KRT3: variants seen among roughly 807,000 people sequenced by gnomAD.
The protein encoded by KRT3 is keratin 3, also known as keratin, type II cytoskeletal 3.
A neutral mutation model predicts 45.8 loss-of-function variants in KRT3; 34 were observed. That is an observed-to-expected ratio of 0.74 (90% CI 0.57 to 0.99). The LOEUF (loss-of-function observed/expected upper bound fraction) is 0.99. Among genes scored for constraint, KRT3 ranks in the 50% least tolerant of loss-of-function variants. The pLI, the probability that KRT3 is intolerant of heterozygous loss-of-function variation, is 0.00. For missense variants in KRT3, 828 were observed against 820.6 expected (o/e 1.01, Z -0.11); for synonymous variants, 367 against 329.0 (o/e 1.12, Z -1.25).
chr12:52,793,716 C>T (rs1204604274), intron 2 of KRT3, among the ~76,000 whole-genome samples: 2 of 152,118 alleles, frequency 1.3e-5, no homozygotes, highest in African/African-American at 4.8e-5. Context: ...CTCAGCCACC[C>T]GACTATCTTG....
chr12:52,793,151 C>T lies in KRT3; in HGVS notation c.927+12G>A, dbSNP rs376608230. ...AGCTGCAAGCCTCAGAAACCTCACA[C>T]ACAGCCCTTACCTTCTTCAGAGTCA... On this transcript the variant is annotated intron_variant, in intron 3 of 8. Coordinates refer to ENST00000417996, the MANE Select transcript of KRT3 (RefSeq NM_057088.3). The T allele has an allele frequency of 1.2e-6, 2 of 1,608,640 alleles. No individual in the cohort carries two copies. The highest frequency in any genetic ancestry group is 1.3e-5 in the African/African-American group (1 of 74,842).
In KRT3 at chr12:52,790,125, C is replaced by G; in HGVS notation, c.1804G>C (p.Gly602Arg). 6.5e-7 allele frequency: 1 copy of G among 1,546,310 alleles called. No homozygotes were observed. Among genetic ancestry groups the G allele is most frequent in the African/African-American group, 1.4e-5 (1 of 73,096 alleles). Residue 602 changes from glycine to arginine, a missense_variant, in exon 9 of 9, where the codon GGG becomes CGG. Physicochemically the swap from Gly to Arg is moderately radical, Grantham distance 125. Transcript: ENST00000417996. ...CGGTTGCTGGCCGAGCTGAAGCCCC[C>G]GCCACTGACTCCATAGCGGGCGCCA... ...ISGARYGVSG[G>R]GFSSASNRGG...
intron 6 of KRT3, 45 bp downstream of exon 6, chr12:52,791,646 C>T: frequency 6.2e-7 from 1 of 1,612,210 alleles, no homozygotes. Context: ...CTAGCCCCTG[C>T]CCCTCAGCAA....
At chr12:52,795,123 CA>C (rs1939607036) in intron 1 of KRT3, among the ~76,000 whole-genome samples, 1 of 152,118 alleles carries the variant, frequency 6.6e-6, no homozygotes, top group Non-Finnish European at 1.5e-5. Context: ...GCCTGGGCCT[CA>C]ATGAGGCAAT....
At chr12:52,793,401 G>T (rs1465751982) in intron 2 of KRT3, among the ~76,000 whole-genome samples, 178 bp from the exon 3 acceptor site, 1 of 152,028 alleles carries the variant, frequency 6.6e-6, no homozygotes, top group Admixed American at 6.6e-5. Context: ...AAGTCAATTT[G>T]CCCAGGCAAA....
chr12:52,795,928 C>A lies in KRT3; in HGVS notation c.115G>T (p.Gly39Cys). The A allele has an allele frequency of 6.2e-7, 1 of 1,614,142 alleles. No homozygotes were observed. Among genetic ancestry groups the A allele is most frequent in the Non-Finnish European group, 8.5e-7 (1 of 1,180,008 alleles). Residue 39 changes from glycine to cysteine, a missense_variant, in exon 1 of 9, where the codon GGC becomes TGC. Physicochemically the swap from Gly to Cys is radical, Grantham distance 159. Coordinates refer to ENST00000417996, the MANE Select transcript of KRT3 (RefSeq NM_057088.3). ...MSCVAHSGGAGGGAYGFRSGA... is the reference protein window; with the variant it reads ...MSCVAHSGGACGGAYGFRSGA... ...CTCCGGAAGCCATAGGCCCCTCCGC[C>A]AGCTCCCCCAGAGTGGGCCACACAG...
chr12:52,795,992 G>A lies in KRT3; in HGVS notation c.51C>T (p.Ser17=), dbSNP rs200988929. Residue 17 remains serine (S), a synonymous_variant, in exon 1 of 9, where the codon TCC becomes TCT. Coordinates refer to ENST00000417996, the MANE Select transcript of KRT3 (RefSeq NM_057088.3). Reference sequence around the variant, plus strand: ...TGCCGGAGACCACAGCAGAGCGGCCGGAGAAACCCTGGCTCCCGCCACCAG... The same window carrying A: ...TGCCGGAGACCACAGCAGAGCGGCCAGAGAAACCCTGGCTCCCGCCACCAG... The part of the protein sequence containing the change: ...KTSGGGSQGF[S]GRSAVVSGSS... The A allele has an allele frequency of 5.0e-4, 800 of 1,613,924 alleles. No homozygotes were observed. Among genetic ancestry groups the A allele is most frequent in the Non-Finnish European group, 6.4e-4 (752 of 1,179,936 alleles).
chr12:52,790,689 C>T, intron 8 of KRT3, 149 bp downstream of exon 8: 1 of 811,242 alleles, frequency 1.2e-6, no homozygotes, highest in Non-Finnish European at 2.1e-6. Context: ...GAACCCAGAA[C>T]AATTACAAAA....
At chr12:52,795,043 G>A (rs1565679271) in intron 1 of KRT3, among the ~76,000 whole-genome samples, 1 of 152,194 alleles carries the variant, frequency 6.6e-6, no homozygotes, top group African/African-American at 2.4e-5. Flanking sequence ...TATTTGAAAA[G>A]CCTCCCATTC....
At position 52,789,926 on chromosome 12, in the gene KRT3, C is replaced by G; in HGVS notation, c.*116G>C. On this transcript the variant is annotated 3_prime_UTR_variant, in exon 9 of 9. Coordinates refer to ENST00000417996, the MANE Select transcript of KRT3 (RefSeq NM_057088.3). ...GGAGGAGCAAGAGGCCACAAGCCTT[C>G]CAGCGCAGAGCCGCGTTCTTGGGGA... The G allele has an allele frequency of 1.8e-6, 2 of 1,111,244 alleles. No homozygotes were observed. The highest frequency in any genetic ancestry group is 1.3e-6 in the Non-Finnish European group (1 of 763,268). 68.8% of individuals were successfully genotyped at this position (1,111,244 alleles called of 1,614,324 possible). A position where few individuals can be genotyped will look rare whatever the true frequency, so the allele number is the denominator to read the frequency against.
chr12:52,795,471 A>G lies in KRT3; in HGVS notation c.572T>C (p.Ile191Thr). 6.2e-7 allele frequency: 1 copy of G among 1,614,014 alleles called. No homozygotes were observed. Among genetic ancestry groups the G allele is most frequent in the South Asian group, 1.1e-5 (1 of 91,070 alleles). The part of the protein sequence containing the change: ...QPLNVEIDPQ[I>T]GQVKAQEREQ... Reference sequence around the variant, plus strand: ...CCGCTCCTGGGCCTTTACTTGCCCAATCTGGGGGTCGATCTCCACATTGAG... The same window carrying G: ...CCGCTCCTGGGCCTTTACTTGCCCAGTCTGGGGGTCGATCTCCACATTGAG... Residue 191 changes from isoleucine to threonine, a missense_variant, in exon 1 of 9, where the codon ATT becomes ACT. Transcript: ENST00000417996.
In KRT3 at chr12:52,795,558, C is replaced by A. The variant is rs369008679; in HGVS notation, c.485G>T (p.Gly162Val). Reference protein sequence around the residue: ...PGSLGSPGGFGPGGFPGGIQE... With the variant: ...PGSLGSPGGFVPGGFPGGIQE... The stretch of plus-strand genomic sequence containing the variant: ...AATTCCCCCAGGAAAGCCCCCAGGG[C>A]CAAAGCCACCAGGACTGCCCAAGCT... Residue 162 changes from glycine (G) to valine (V), a missense_variant, in exon 1 of 9, where the codon GGC becomes GTC. Gly to Val is a moderately radical substitution (Grantham distance 109). Coordinates refer to ENST00000417996, the MANE Select transcript of KRT3 (RefSeq NM_057088.3). 20 of 1,612,358 alleles carry A rather than the reference C, an allele frequency of 1.2e-5. No individual in the cohort carries two copies. The highest frequency in any genetic ancestry group is 2.7e-5 in the African/African-American group (2 of 74,832).
At chr12:52,793,600 G>C (rs527368622) in intron 2 of KRT3, among the ~76,000 whole-genome samples, 1 of 147,360 alleles carries the variant, frequency 6.8e-6, no homozygotes, top group South Asian at 2.2e-4. Context: ...TTTTGTTTTT[G>C]TTTTTTTTTT....
Position 52,791,244 on chromosome 12 carries a change from G to A in KRT3, c.1497C>T (p.Ile499=), listed in dbSNP as rs764850228. 28 of 1,614,074 alleles carry A rather than the reference G, an allele frequency of 1.7e-5. No homozygotes were observed. Among genetic ancestry groups the A allele is most frequent in the Middle Eastern group, 3.3e-4 (2 of 6,082 alleles). The change falls in exon 7 of 9, where the codon ATC becomes ATT. Residue 499 remains isoleucine, a synonymous_variant. Coordinates refer to ENST00000417996, the MANE Select transcript of KRT3 (RefSeq NM_057088.3). The part of the protein sequence containing the change: ...MNVKLALDVE[I]ATYRKLLEGE... Reference sequence around the variant, plus strand: ...CCTCCAGCAGCTTGCGGTAGGTGGCGATCTCCACGTCCAGGGCCAGCTTGA... The same window carrying A: ...CCTCCAGCAGCTTGCGGTAGGTGGCAATCTCCACGTCCAGGGCCAGCTTGA...
chr12:52,792,622 T>C lies in KRT3; in HGVS notation c.1023+89A>G, dbSNP rs139378264. The C allele has an allele frequency of 2.1e-4, 221 of 1,055,604 alleles. 3 individuals are homozygous for C. In the African/African-American group the frequency reaches 2.8e-3, roughly 13 times the overall value. 65.4% of individuals were successfully genotyped at this position (1,055,604 alleles called of 1,614,324 possible). ...ATCTCCAGGCTCATTCCAGATGTCT[T>C]CTGGGGCCTATATACCAAAATGCAC... On this transcript the variant is annotated intron_variant, in intron 4 of 8. Coordinates refer to ENST00000417996, the MANE Select transcript of KRT3 (RefSeq NM_057088.3).
rs552886568 is a variant in KRT3, at chr12:52,795,801, C to G, written c.242G>C (p.Gly81Ala). Reference protein sequence around the residue: ...AAGGSRAGGFGGGRSSCAFAG... With the variant: ...AAGGSRAGGFAGGRSSCAFAG... Reference sequence around the variant, plus strand: ...AAAGGCACAGCTGCTCCGCCCTCCCCCAAAGCCTCCAGCCCGGGAGCCGCC... The same window carrying G: ...AAAGGCACAGCTGCTCCGCCCTCCCGCAAAGCCTCCAGCCCGGGAGCCGCC... The change falls in exon 1 of 9, where the codon GGG becomes GCG. Residue 81 changes from glycine (G) to alanine (A), a missense_variant. Transcript: ENST00000417996. 3.7e-6 allele frequency: 6 copies of G among 1,614,050 alleles called. No homozygotes were observed. In the Admixed American group the frequency reaches 6.7e-5, roughly 18 times the overall value.
rs1939446190 is a variant in KRT3, at chr12:52,789,985, G to A, written c.*57C>T. 1.3e-6 allele frequency: 2 copies of A among 1,499,280 alleles called. No homozygotes were observed. Among genetic ancestry groups the A allele is most frequent in the Admixed American group, 2.0e-5 (1 of 50,910 alleles). The allele number at this position is 1,499,280 out of a possible 1,614,324, so 92.9% of individuals were successfully genotyped here. ...TGGCGCTGGGGGTGTTGCCAATATG[G>A]GGGCGTGGGGAGCGGAGGGGAGGCG... is the stretch of plus-strand genomic sequence containing the variant. On this transcript the variant is annotated 3_prime_UTR_variant, in exon 9 of 9. Coordinates refer to ENST00000417996, the MANE Select transcript of KRT3 (RefSeq NM_057088.3).
In KRT3 at chr12:52,795,802, C is replaced by G. The variant is rs749103210; in HGVS notation, c.241G>C (p.Gly81Arg). Residue 81 changes from glycine to arginine, a missense_variant, in exon 1 of 9, where the codon GGG becomes CGG. Coordinates refer to ENST00000417996, the MANE Select transcript of KRT3 (RefSeq NM_057088.3). The stretch of plus-strand genomic sequence containing the variant: ...AAGGCACAGCTGCTCCGCCCTCCCC[C>G]AAAGCCTCCAGCCCGGGAGCCGCCA... ...AAGGSRAGGFGGGRSSCAFAG... is the reference protein window; with the variant it reads ...AAGGSRAGGFRGGRSSCAFAG... 1.9e-5 allele frequency: 31 copies of G among 1,613,926 alleles called. No individual in the cohort carries two copies. Among genetic ancestry groups the G allele is most frequent in the East Asian group, 8.9e-5 (4 of 44,902 alleles).
At chr12:52,791,897 C>T (rs1939518512) in intron 5 of KRT3, 81 bp from the exon 6 acceptor site, 1 of 1,476,762 alleles carries the variant, frequency 6.8e-7, no homozygotes, top group Admixed American at 2.1e-5. Context: ...CCCACCAAAC[C>T]TTCAGAAGCT....
Sources: gnomAD v4.1 joint callset for allele counts (sites outside exome capture counted in the v4.1 genomes callset) on GRCh38, gnomAD v4.1.1 for gene constraint, MANE v1.5 for transcripts, NCBI Gene and HGNC (gene_info 2026-07-23, HGNC 2026-07-21) for gene names.